The following CSMD1 variants were observed in gnomAD, a reference collection of about 807,000 sequenced individuals.
CSMD1 encodes the protein CUB and sushi domain-containing protein 1.
CSMD1 carries 213 observed loss-of-function variants against 417.5 expected under a neutral mutation model. The observed-to-expected ratio is 0.51, with a 90% CI of 0.46 to 0.57. The LOEUF (loss-of-function observed/expected upper bound fraction) is 0.57, where lower values mean the gene tolerates loss of function less well. Ranked by LOEUF, CSMD1 falls within the 20% of genes least tolerant of loss-of-function variation. CSMD1 has a pLI of 0.00. For missense variants in CSMD1, 6,923 were observed against 4,529.7 expected, an observed-to-expected ratio of 1.53 and a Z score of -15.17; for synonymous variants, 2,862 against 1,736.8, an observed-to-expected ratio of 1.65 and a Z score of -16.11.
At chr8:3,709,709 T>TTTTC (rs1554518391) in intron 6 of CSMD1, among the ~76,000 whole-genome samples, 1 of 129,586 alleles carries the variant, frequency 7.7e-6, no homozygotes. Context: ...TTTTTTTTTT[T>TTTTC]CCCTGCTTTC....
At chr8:4,737,119 T>A (rs1379642852) in intron 1 of CSMD1, among the ~76,000 whole-genome samples, 2 of 152,026 alleles carry the variant, frequency 1.3e-5, no homozygotes, top group South Asian at 4.1e-4. Flanking sequence ...ATAAAGAAAA[T>A]GTGGTACATC....
At position 4,708,618 on chromosome 8, in the gene CSMD1, T is replaced by C. The variant is rs371612063; in HGVS notation, c.86-71060A>G. On this transcript the variant is annotated intron_variant, in intron 1 of 69. Coordinates refer to ENST00000635120, the MANE Select transcript of CSMD1 (RefSeq NM_033225.6). ...AGCCAATCAGAAAGAGTTCATTGAA[T>C]GGTTAAATTTCTAGTGTTTTCTGTC... Among the ~76,000 whole-genome samples the C allele has an allele frequency of 3.3e-4, 51 of 152,252 alleles. No individual in the cohort carries two copies. In the East Asian group the frequency reaches 8.7e-3, roughly 26 times the overall value.
At chr8:3,715,843 T>G (rs887601980) in intron 6 of CSMD1, among the ~76,000 whole-genome samples, 3 of 152,144 alleles carry the variant, frequency 2.0e-5, no homozygotes, top group African/African-American at 7.2e-5. Flanking sequence ...GCGCCCGGCC[T>G]GCAAACAGCT....
chr8:4,030,969 G>C (rs975561136), intron 4 of CSMD1, among the ~76,000 whole-genome samples: 2 of 152,076 alleles, frequency 1.3e-5, no homozygotes, highest in Non-Finnish European at 2.9e-5. Flanking sequence ...AATCACCTTT[G>C]GTCCAGTTAT....
chr8:4,050,370 G>A (rs566448219), intron 3 of CSMD1, among the ~76,000 whole-genome samples: 3 of 152,222 alleles, frequency 2.0e-5, no homozygotes, highest in African/African-American at 4.8e-5. Context: ...CAAGAGCAGA[G>A]AATCTACAAA....
At chr8:3,076,330 G>T (rs1813686057) in intron 49 of CSMD1, among the ~76,000 whole-genome samples, 1 of 152,194 alleles carries the variant, frequency 6.6e-6, no homozygotes, top group Admixed American at 6.5e-5. Flanking sequence ...TTTGTATGAG[G>T]ACACCAGCCA....
At chr8:4,091,019 A>G (rs9314512) in intron 3 of CSMD1, among the ~76,000 whole-genome samples, 48,802 of 151,344 alleles carry the variant, frequency 0.32, 9,483 homozygotes, top group African/African-American at 0.55. Context: ...CCTGGGTTCA[A>G]GTGATTCTCC....
intron 10 of CSMD1, among the ~76,000 whole-genome samples, chr8:3,565,845 G>A (rs2116890608): frequency 6.6e-6 from 1 of 151,880 alleles, no homozygotes; most frequent in African/African-American, 2.4e-5. Context: ...CAAATGACAT[G>A]CAAGCATCTT....
intron 5 of CSMD1, among the ~76,000 whole-genome samples, chr8:3,961,754 T>C (rs184617521): frequency 2.0e-5 from 3 of 152,228 alleles, no homozygotes; most frequent in Non-Finnish European, 4.4e-5. Context: ...GCCCGGTCTT[T>C]CATGATGAAG....
At chr8:4,968,806 G>T (rs1285090378) in intron 1 of CSMD1, among the ~76,000 whole-genome samples, 1 of 152,100 alleles carries the variant, frequency 6.6e-6, no homozygotes, top group African/African-American at 2.4e-5. Flanking sequence ...TCTGGCAGTT[G>T]CATCTCTTCT....
intron 26 of CSMD1, among the ~76,000 whole-genome samples, chr8:3,257,915 A>G (rs532717827): frequency 2.0e-5 from 3 of 152,268 alleles, no homozygotes; most frequent in East Asian, 3.9e-4. Flanking sequence ...CGTGAAGCTT[A>G]TATTTTAAAG....
chr8:3,698,961 G>A (rs1266855397), intron 7 of CSMD1, among the ~76,000 whole-genome samples: 2 of 152,158 alleles, frequency 1.3e-5, no homozygotes, highest in Admixed American at 6.5e-5. Context: ...AGGCATCCAG[G>A]CTGATGAAGG....
intron 5 of CSMD1, among the ~76,000 whole-genome samples, chr8:3,995,710 C>T (rs534478692): frequency 6.6e-6 from 1 of 152,114 alleles, no homozygotes. Flanking sequence ...GAATAATGAC[C>T]CCACAGGGCT....
intron 25 of CSMD1, among the ~76,000 whole-genome samples, chr8:3,297,583 T>C (rs1299170917): frequency 1.3e-5 from 2 of 152,188 alleles, no homozygotes; most frequent in African/African-American, 4.8e-5. Flanking sequence ...CTTCAGCAAA[T>C]TGTCAATTGA....
intron 8 of CSMD1, among the ~76,000 whole-genome samples, chr8:3,588,969 T>C (rs189111912): frequency 2.0e-5 from 3 of 152,180 alleles, no homozygotes; most frequent in East Asian, 1.9e-4. Flanking sequence ...CCAACAGGTA[T>C]ATGGAAAGGT....
intron 3 of CSMD1, among the ~76,000 whole-genome samples, chr8:4,109,074 T>C (rs1801718720): frequency 6.6e-6 from 1 of 152,208 alleles, no homozygotes; most frequent in Non-Finnish European, 1.5e-5. Flanking sequence ...AGTATTTGCA[T>C]ATAACCGCAT....
intron 4 of CSMD1, among the ~76,000 whole-genome samples, chr8:4,005,619 C>A (rs1234800134): frequency 6.6e-6 from 1 of 152,198 alleles, no homozygotes; most frequent in African/African-American, 2.4e-5. Flanking sequence ...TAAATTCACT[C>A]TCAATTGAGA....
chr8:4,291,001 A>T (rs1434821902), intron 3 of CSMD1, among the ~76,000 whole-genome samples: 1 of 152,178 alleles, frequency 6.6e-6, no homozygotes, highest in Non-Finnish European at 1.5e-5. Context: ...TGTTAAATGT[A>T]TATGTAATGA....
intron 1 of CSMD1, among the ~76,000 whole-genome samples, chr8:4,824,209 C>T (rs937580859): frequency 4.0e-5 from 6 of 151,896 alleles, no homozygotes; most frequent in Admixed American, 2.6e-4. Flanking sequence ...CTACCTATAA[C>T]ATGTAATGTT....
Sources: gnomAD v4.1 joint callset for allele counts (sites outside exome capture counted in the v4.1 genomes callset) on GRCh38, gnomAD v4.1.1 for gene constraint, MANE v1.5 for transcripts, NCBI Gene and HGNC (gene_info 2026-07-23, HGNC 2026-07-21) for gene names.